GARIN5A: variants seen among roughly 807,000 people sequenced by gnomAD.
GARIN5A encodes Golgi-associated RAB2 interactor protein 5A.
the GARIN5A span, chr19:50,475,414 C>A: frequency 6.2e-7 from 1 of 1,610,310 alleles, no homozygotes; most frequent in Admixed American, 1.7e-5. Flanking sequence ...AGGCTGCCAC[C>A]CCCATGGTGA....
the GARIN5A span, among the ~76,000 whole-genome samples, chr19:50,473,326 TTTC>T: frequency 6.6e-6 from 1 of 152,156 alleles, no homozygotes; most frequent in African/African-American, 2.4e-5. Context: ...CTTTCTTCCC[TTTC>T]TTCTTTTCTC....
chr19:50,468,222 C>T, the GARIN5A span, among the ~76,000 whole-genome samples: 2 of 152,012 alleles, frequency 1.3e-5, no homozygotes, highest in East Asian at 1.9e-4. Context: ...ATTAGCCGGG[C>T]GTGGTAGTGG....
At chr19:50,476,080 T>G in the GARIN5A span, 23 of 1,609,706 alleles carry the variant, frequency 1.4e-5, no homozygotes, top group Non-Finnish European at 1.9e-5. Flanking sequence ...CCATCCTACT[T>G]GGTTCCTTCA....
the GARIN5A span, chr19:50,476,249 C>T: frequency 1.9e-6 from 3 of 1,612,798 alleles, no homozygotes; most frequent in Admixed American, 5.0e-5. Context: ...AGGGAGAAAG[C>T]GAGGGGGCGG....
the GARIN5A span, among the ~76,000 whole-genome samples, chr19:50,472,259 G>GTGTATATATGTATATATACATGTA: frequency 3.4e-4 from 23 of 66,906 alleles, no homozygotes; most frequent in Admixed American, 2.9e-3. Context: ...ATACATGTAT[G>GTGTATATATGTATATATACATGTA]TGTGTATATA....
the GARIN5A span, among the ~76,000 whole-genome samples, chr19:50,467,312 C>T: frequency 3.9e-5 from 6 of 151,986 alleles, no homozygotes; most frequent in Non-Finnish European, 7.4e-5. Context: ...GGTGCCAAGG[C>T]CCTGGAGAGA....
the GARIN5A span, chr19:50,476,459 G>A: frequency 9.0e-6 from 14 of 1,563,984 alleles, no homozygotes; most frequent in East Asian, 2.1e-4. Context: ...GCAGGCGCAC[G>A]GGCGTCAGGA....
chr19:50,472,220 G>GTATA, the GARIN5A span, among the ~76,000 whole-genome samples: 26 of 106,408 alleles, frequency 2.4e-4, 1 homozygote, highest in Middle Eastern at 0.01. Flanking sequence ...ATGTGTGTAT[G>GTATA]TATATATACA....
At chr19:50,474,697 G>A in the GARIN5A span, among the ~76,000 whole-genome samples, 3 of 151,952 alleles carry the variant, frequency 2.0e-5, no homozygotes, top group Admixed American at 6.6e-5. Context: ...ATGTTGGCCA[G>A]ACCGGTCTCA....
chr19:50,467,501 C>T, the GARIN5A span: 1 of 1,209,202 alleles, frequency 8.3e-7, no homozygotes, highest in Non-Finnish European at 1.2e-6. Context: ...TGGGAGTCCT[C>T]AGACACCTCC....
At chr19:50,475,248 G>C in the GARIN5A span, 1 of 1,498,492 alleles carries the variant, frequency 6.7e-7, no homozygotes, top group Non-Finnish European at 8.9e-7. Flanking sequence ...TGGTCTGGAC[G>C]AGGGGAGGTA....
the GARIN5A span, chr19:50,475,397 G>T: frequency 1.2e-6 from 2 of 1,611,140 alleles, no homozygotes; most frequent in Non-Finnish European, 1.7e-6. Context: ...CTCCAGGGCT[G>T]GACTGGAGGC....
chr19:50,474,809 A>C, the GARIN5A span, among the ~76,000 whole-genome samples: 1 of 152,096 alleles, frequency 6.6e-6, no homozygotes, highest in Non-Finnish European at 1.5e-5. Context: ...TCAATGAAAA[A>C]ATATGACGTA....
At chr19:50,472,103 T>C in the GARIN5A span, among the ~76,000 whole-genome samples, 1 of 145,226 alleles carries the variant, frequency 6.9e-6, no homozygotes, top group African/African-American at 2.7e-5. Flanking sequence ...TATATGTATA[T>C]ATACGTGTGT....
the GARIN5A span, among the ~76,000 whole-genome samples, chr19:50,469,691 C>G: frequency 2.6e-5 from 4 of 152,076 alleles, no homozygotes; most frequent in African/African-American, 9.7e-5. Context: ...GGTCACACAG[C>G]CAGGATTGGA....
At chr19:50,472,268 T>G in the GARIN5A span, among the ~76,000 whole-genome samples, 1 of 102,496 alleles carries the variant, frequency 9.8e-6, no homozygotes, top group Non-Finnish European at 1.7e-5. Context: ...TGTGTGTATA[T>G]ATGTATATAT....
the GARIN5A span, among the ~76,000 whole-genome samples, chr19:50,468,961 C>T: frequency 1.5e-3 from 233 of 152,240 alleles, 1 homozygote; most frequent in Middle Eastern, 0.037. Context: ...GCCACCCTTG[C>T]GTCCAGCCAC....
chr19:50,468,267 C>A, the GARIN5A span, among the ~76,000 whole-genome samples: 471 of 147,972 alleles, frequency 3.2e-3, 3 homozygotes, highest in Admixed American at 5.0e-3. Context: ...GAGGCTGAGG[C>A]AGGAGAATTG....
chr19:50,474,148 TTTC>T, the GARIN5A span, among the ~76,000 whole-genome samples: 1 of 150,722 alleles, frequency 6.6e-6, no homozygotes, highest in Non-Finnish European at 1.5e-5. Context: ...TGCATTACTT[TTTC>T]TTTTCTCTTT....
Sources: gnomAD v4.1 joint callset for allele counts (sites outside exome capture counted in the v4.1 genomes callset) on GRCh38, gnomAD v4.1.1 for gene constraint, MANE v1.5 for transcripts, NCBI Gene and HGNC (gene_info 2026-07-23, HGNC 2026-07-21) for gene names.